Variants in CCSER1 observed in about 807,000 individuals in gnomAD.
CCSER1 encodes the protein serine-rich coiled-coil domain-containing protein 1.
Under a neutral mutation model 82.0 loss-of-function variants are expected in CCSER1, and 41 were observed. The observed-to-expected ratio is 0.50, with a 90% CI of 0.39 to 0.65. The LOEUF is 0.65. Among genes scored for constraint, CCSER1 ranks in the 30% least tolerant of loss-of-function variants. The probability of loss-of-function intolerance (pLI) is 0.00; values close to 1 mark genes in which losing one functional copy is unlikely to be tolerated. For missense variants in CCSER1, 1,119 were observed against 1,064.2 expected, an observed-to-expected ratio of 1.05 and a Z score of -0.72; for synonymous variants, 414 against 383.9, an observed-to-expected ratio of 1.08 and a Z score of -0.92.
chr4:91,315,357 T>A (rs1676735683), intron 10 of CCSER1, among the ~76,000 whole-genome samples: 1 of 151,954 alleles, frequency 6.6e-6, no homozygotes, highest in African/African-American at 2.4e-5. Context: ...CTCCTTGTAA[T>A]ATGTTATGAA....
intron 10 of CCSER1, among the ~76,000 whole-genome samples, chr4:91,292,081 A>ACT (rs1252631390): frequency 6.6e-6 from 1 of 151,976 alleles, no homozygotes; most frequent in East Asian, 1.9e-4. Flanking sequence ...TGCCTGAGTA[A>ACT]CTCTTGAAAG....
intron 6 of CCSER1, among the ~76,000 whole-genome samples, chr4:90,687,227 A>G (rs1229740573): frequency 2.6e-5 from 4 of 152,134 alleles, no homozygotes; most frequent in Non-Finnish European, 5.9e-5. Context: ...CAAGTAGCTT[A>G]CTTTATTTTT....
At chr4:90,766,086 G>C (rs1364738683) in intron 7 of CCSER1, among the ~76,000 whole-genome samples, 1 of 152,090 alleles carries the variant, frequency 6.6e-6, no homozygotes, top group Non-Finnish European at 1.5e-5. Context: ...GTGTGTGTCT[G>C]TAATTAAGTA....
intron 5 of CCSER1, among the ~76,000 whole-genome samples, chr4:90,614,822 C>A (rs1388097872): frequency 1.3e-5 from 2 of 152,086 alleles, no homozygotes; most frequent in Non-Finnish European, 2.9e-5. Context: ...TCACTGAGAC[C>A]ATTGATGAAG....
At chr4:91,537,546 A>G (rs1560746602) in intron 10 of CCSER1, among the ~76,000 whole-genome samples, 1 of 152,006 alleles carries the variant, frequency 6.6e-6, no homozygotes, top group Non-Finnish European at 1.5e-5. Context: ...TTTAAAACCT[A>G]AAGGACCTGA....
chr4:90,358,741 T>TA (rs1204230805), intron 3 of CCSER1, among the ~76,000 whole-genome samples: 1 of 152,150 alleles, frequency 6.6e-6, no homozygotes, highest in Non-Finnish European at 1.5e-5. Context: ...ATAAGCTTAG[T>TA]AAAATGTCAG....
chr4:90,733,155 A>G (rs1580205743), intron 7 of CCSER1, among the ~76,000 whole-genome samples: 1 of 152,218 alleles, frequency 6.6e-6, no homozygotes, highest in Non-Finnish European at 1.5e-5. Context: ...CCAACATTGT[A>G]TGAAGGTTCC....
intron 8 of CCSER1, among the ~76,000 whole-genome samples, chr4:90,860,497 A>G (rs1764959123): frequency 6.6e-6 from 1 of 151,674 alleles, no homozygotes; most frequent in Non-Finnish European, 1.5e-5. Flanking sequence ...AATAGTTTCT[A>G]CTTCTAGATG....
chr4:90,310,253 A>C (rs1201665780), intron 2 of CCSER1, among the ~76,000 whole-genome samples: 1 of 152,012 alleles, frequency 6.6e-6, no homozygotes, highest in Non-Finnish European at 1.5e-5. Flanking sequence ...CCTTTAGTTT[A>C]AAAAAAGTGT....
chr4:90,731,212 T>A (rs1744668565), intron 7 of CCSER1, among the ~76,000 whole-genome samples: 1 of 152,200 alleles, frequency 6.6e-6, no homozygotes, highest in Non-Finnish European at 1.5e-5. Flanking sequence ...AAAGATAGTT[T>A]CTGATACTAA....
chr4:90,363,505 T>G (rs1287125136), intron 3 of CCSER1, among the ~76,000 whole-genome samples: 2 of 152,080 alleles, frequency 1.3e-5, no homozygotes, highest in Non-Finnish European at 2.9e-5. Context: ...TGACTTTAAG[T>G]GCACTCATGT....
chr4:90,874,815 A>C (rs1473198051), intron 8 of CCSER1, among the ~76,000 whole-genome samples: 1 of 152,108 alleles, frequency 6.6e-6, no homozygotes. Context: ...TGGGAGGCTA[A>C]GGCAGGCGGA....
intron 9 of CCSER1, among the ~76,000 whole-genome samples, chr4:90,932,986 A>AGAGAGAGAG (rs1561385193): frequency 6.9e-5 from 2 of 29,166 alleles, no homozygotes; most frequent in East Asian, 5.4e-4. Context: ...AAGAAAGAGA[A>AGAGAGAGAG]AGAAAGAAAG....
intron 10 of CCSER1, among the ~76,000 whole-genome samples, chr4:91,540,207 A>G (rs1463379049): frequency 1.3e-5 from 2 of 152,128 alleles, no homozygotes; most frequent in Non-Finnish European, 2.9e-5. Context: ...GTACATTTGT[A>G]GAGTCAAACC....
intron 10 of CCSER1, among the ~76,000 whole-genome samples, chr4:91,498,821 A>G (rs569992105): frequency 1.3e-5 from 2 of 151,934 alleles, no homozygotes; most frequent in East Asian, 3.9e-4. Flanking sequence ...TATGTATCAC[A>G]TAAAATATGT....
intron 5 of CCSER1, among the ~76,000 whole-genome samples, chr4:90,585,068 A>G (rs1347181183): frequency 2.0e-5 from 3 of 152,236 alleles, no homozygotes; most frequent in Non-Finnish European, 4.4e-5. Context: ...TGAACAAAGG[A>G]ATTGAGCAGA....
chr4:90,216,318 T>G (rs1333003230), intron 1 of CCSER1, among the ~76,000 whole-genome samples: 1 of 152,240 alleles, frequency 6.6e-6, no homozygotes, highest in Non-Finnish European at 1.5e-5. Context: ...TCTAAATTCC[T>G]TCTTCTGTGT....
At chr4:90,221,391 T>C (rs1411975565) in intron 1 of CCSER1, among the ~76,000 whole-genome samples, 1 of 152,150 alleles carries the variant, frequency 6.6e-6, no homozygotes, top group Non-Finnish European at 1.5e-5. Flanking sequence ...TGTGGTACAA[T>C]TACAGCATTA....
chr4:90,266,841 A>G (rs934842456), intron 1 of CCSER1, among the ~76,000 whole-genome samples: 11 of 152,016 alleles, frequency 7.2e-5, no homozygotes, highest in African/African-American at 2.7e-4. Flanking sequence ...TAAACTTGAA[A>G]GGCTCACTAG....
Sources: allele counts gnomAD v4.1 joint callset (sites outside exome capture counted in the v4.1 genomes callset), GRCh38; gene constraint gnomAD v4.1.1; transcripts MANE v1.5; gene names NCBI Gene and HGNC (gene_info 2026-07-23, HGNC 2026-07-21).